The following DAPK2 variants were observed in gnomAD, a reference collection of about 807,000 sequenced individuals.
DAPK2 encodes death associated protein kinase 2, also known as death-associated protein kinase 2.
A neutral mutation model predicts 44.1 loss-of-function variants in DAPK2; 35 were observed. That is an observed-to-expected ratio of 0.79 (90% confidence interval 0.61 to 1.05). The LOEUF (loss-of-function observed/expected upper bound fraction) is 1.05, where lower values mean the gene tolerates loss of function less well. DAPK2 is among the 50% of genes least tolerant of loss of function. DAPK2 has a pLI of 0.00. For synonymous variants in DAPK2, 174 were observed against 182.6 expected (o/e 0.95, Z 0.38); for missense variants, 453 against 483.2 (o/e 0.94, Z 0.59).
At chr15:63,946,581 G>C (rs2077454791) in intron 3 of DAPK2, among the ~76,000 whole-genome samples, 1 of 152,190 alleles carries the variant, frequency 6.6e-6, no homozygotes, top group Non-Finnish European at 1.5e-5. Context: ...TCTTTTCTGG[G>C]ATGCAGCATG....
intron 3 of DAPK2, among the ~76,000 whole-genome samples, chr15:63,950,098 G>A (rs1375435676): frequency 1.3e-5 from 2 of 152,124 alleles, no homozygotes; most frequent in East Asian, 3.8e-4. Context: ...CATGCCTTCA[G>A]GTTTTAGTAT....
At position 63,980,070 on chromosome 15, in the gene DAPK2, C is replaced by T. The variant is rs2078460130; in HGVS notation, c.314+3463G>A. Among the ~76,000 whole-genome samples, 1 of 152,048 alleles carries T rather than the reference C, an allele frequency of 6.6e-6. No individual in the cohort carries two copies. Among genetic ancestry groups the T allele is most frequent in the South Asian group, 2.1e-4 (1 of 4,820 alleles). On this transcript the variant is annotated intron_variant, in intron 2 of 10. Transcript: ENST00000261891. This position sits in a 1 kb window ranked among gnomAD's most constrained non-coding sequence, Gnocchi z 4.3. ...TTCTTAGCAGTCCATAGACAGGCAC[C>T]CTGAGAACAATGAGACAGCTTGGAA...
At chr15:63,964,621 G>C (rs2078000935) in intron 3 of DAPK2, among the ~76,000 whole-genome samples, 1 of 151,876 alleles carries the variant, frequency 6.6e-6, no homozygotes, top group Non-Finnish European at 1.5e-5. Context: ...AGATGTTATA[G>C]GAATGCTTCA....
intron 1 of DAPK2, among the ~76,000 whole-genome samples, chr15:64,028,019 G>A (rs1020617344): frequency 6.1e-5 from 8 of 131,396 alleles, no homozygotes; most frequent in Non-Finnish European, 9.8e-5. Flanking sequence ...GTTAGCAGAA[G>A]TACATAAACT....
At chr15:63,985,576 A>G (rs1171707823) in intron 1 of DAPK2, among the ~76,000 whole-genome samples, 1 of 152,178 alleles carries the variant, frequency 6.6e-6, no homozygotes, top group Non-Finnish European at 1.5e-5. Context: ...AGAAGCCCTG[A>G]GTTCCTACTT....
chr15:63,982,578 G>A (rs1169591066), intron 2 of DAPK2, among the ~76,000 whole-genome samples: 1 of 152,132 alleles, frequency 6.6e-6, no homozygotes, highest in African/African-American at 2.4e-5. Context: ...GTTTATCAGA[G>A]CCCCACCTGC....
At chr15:63,977,010 C>T (rs574833790) in intron 2 of DAPK2, among the ~76,000 whole-genome samples, 13 of 152,148 alleles carry the variant, frequency 8.5e-5, no homozygotes, top group Admixed American at 7.8e-4. Flanking sequence ...TAAAGAACAC[C>T]ATGAGGAAGG....
chr15:63,908,535 C>A lies in DAPK2; in HGVS notation c.1098G>T (p.Arg366Ser). 6.3e-7 allele frequency: 1 copy of A among 1,597,814 alleles called. No homozygotes were observed. Among genetic ancestry groups the A allele is most frequent in the South Asian group, 1.1e-5 (1 of 87,494 alleles). The change falls in exon 11 of 11, where the codon AGG becomes AGT. Residue 366 changes from arginine to serine, a missense_variant. Arg to Ser is a moderately radical substitution (Grantham distance 110, BLOSUM62 -1). Coordinates refer to ENST00000261891, the Ensembl canonical transcript of DAPK2. This position sits in a 1 kb window ranked among gnomAD's most constrained non-coding sequence, Gnocchi z 5.7. ...GTCAGGCCAGTTAGGAGGTGCTGCTCCTCCTCCGTGGGTGGAGGGCTTTCC... is the reference window on the plus strand; with the variant it reads ...GTCAGGCCAGTTAGGAGGTGCTGCTACTCCTCCGTGGGTGGAGGGCTTTCC...
intron 1 of DAPK2, among the ~76,000 whole-genome samples, chr15:63,995,705 C>T (rs1017171466): frequency 1.3e-5 from 2 of 152,250 alleles, no homozygotes; most frequent in East Asian, 1.9e-4. Flanking sequence ...CTCAAAGTCA[C>T]TGCACTCTTG....
intron 1 of DAPK2, among the ~76,000 whole-genome samples, chr15:64,004,200 C>T (rs1178891284): frequency 6.6e-6 from 1 of 152,108 alleles, no homozygotes; most frequent in Non-Finnish European, 1.5e-5. Context: ...TTCTCACTGT[C>T]TGGATTTTAT....
upstream of DAPK2, among the ~76,000 whole-genome samples, chr15:64,043,611 G>A (rs776749316): frequency 1.3e-5 from 2 of 152,194 alleles, no homozygotes; most frequent in Non-Finnish European, 2.9e-5. Context: ...GTTGGAAGGG[G>A]AGCTTCGGAG....
intron 1 of DAPK2, among the ~76,000 whole-genome samples, chr15:64,037,617 C>T (rs1370455841): frequency 6.6e-5 from 10 of 152,262 alleles, no homozygotes; most frequent in South Asian, 2.1e-4. Context: ...CTCAAGAATA[C>T]GTTAAATGAA....
chr15:63,956,744 A>T (rs11071782), intron 3 of DAPK2, among the ~76,000 whole-genome samples: 55,077 of 151,790 alleles, frequency 0.36, 10,527 homozygotes, highest in Non-Finnish European at 0.41. Context: ...CCACCACCAC[A>T]CCTGGCTAAT....
intron 4 of DAPK2, among the ~76,000 whole-genome samples, chr15:63,938,640 C>T (rs773153485): frequency 4.6e-5 from 7 of 152,168 alleles, no homozygotes; most frequent in Non-Finnish European, 1.0e-4. Flanking sequence ...TCTTCATGAC[C>T]CCAATCTCCG....
At chr15:63,930,327 G>A (rs545076314) in intron 5 of DAPK2, 80 bp downstream of exon 6, 42 of 1,337,944 alleles carry the variant, frequency 3.1e-5, no homozygotes, top group South Asian at 7.0e-5. Context: ...ATGGTTAAGC[G>A]GATGTCACCT....
chr15:63,995,755 G>C lies in DAPK2; in HGVS notation c.93-12001C>G, dbSNP rs987418163. On this transcript the variant is annotated intron_variant, in intron 1 of 10. Transcript: ENST00000261891. ...CCTCCTGTTAGCTGACTAAAGGAAG[G>C]CATGGCATTGGAGGGTGAGCAGGTC... Among the ~76,000 whole-genome samples the C allele has an allele frequency of 5.9e-5, 9 of 152,230 alleles. No individual in the cohort carries two copies. In the East Asian group the frequency reaches 1.7e-3, roughly 29 times the overall value.
chr15:64,010,079 A>G (rs567253997), intron 1 of DAPK2, among the ~76,000 whole-genome samples: 4 of 152,328 alleles, frequency 2.6e-5, no homozygotes, highest in African/African-American at 9.6e-5. Flanking sequence ...AGTGTTTCTC[A>G]AAGTGTGACC....
chr15:64,029,302 T>G (rs576457823), intron 1 of DAPK2, among the ~76,000 whole-genome samples: 3 of 152,152 alleles, frequency 2.0e-5, no homozygotes, highest in Non-Finnish European at 4.4e-5. Flanking sequence ...CAATGGGTGA[T>G]GAAAGTGCCT....
At chr15:63,914,963 A>G (rs1351068961) in intron 8 of DAPK2, among the ~76,000 whole-genome samples, 1 of 152,140 alleles carries the variant, frequency 6.6e-6, no homozygotes, top group Non-Finnish European at 1.5e-5. Context: ...AGTCCTCAGT[A>G]TCCTTGAAGG....
Sources: gnomAD v4.1 joint callset for allele counts (sites outside exome capture counted in the v4.1 genomes callset) on GRCh38, gnomAD v4.1.1 for gene constraint, Gnocchi (gnomAD v3.1) non-coding constraint, MANE v1.5 for transcripts, NCBI Gene and HGNC (gene_info 2026-07-23, HGNC 2026-07-21) for gene names.